The following AHCY variants were observed in gnomAD, a reference collection of about 807,000 sequenced individuals.
AHCY encodes S-adenosyl-L-homocysteine hydrolase.
Under a neutral mutation model 45.4 loss-of-function variants are expected in AHCY, and 24 were observed. That is an observed-to-expected ratio of 0.53 (90% CI 0.38 to 0.74). The LOEUF (loss-of-function observed/expected upper bound fraction) is 0.74. Ranked by LOEUF, AHCY falls within the 30% of genes least tolerant of loss-of-function variation. AHCY has a pLI of 0.00. For synonymous variants in AHCY, 245 were observed against 235.1 expected (o/e 1.04, Z -0.39); for missense variants, 449 against 594.1 (o/e 0.76, Z 2.54).
At chr20:34,245,239 C>T in the AHCY span, among the ~76,000 whole-genome samples, 1 of 147,522 alleles carries the variant, frequency 6.8e-6, no homozygotes, top group Admixed American at 6.9e-5. Context: ...GAGACTGAGG[C>T]AGGAGAATCG....
At chr20:34,265,548 T>G in the AHCY span, among the ~76,000 whole-genome samples, 1 of 151,964 alleles carries the variant, frequency 6.6e-6, no homozygotes, top group Non-Finnish European at 1.5e-5. Flanking sequence ...TTTTTGACTG[T>G]GTGTAAAGAG....
At chr20:34,261,756 C>CA in the AHCY span, among the ~76,000 whole-genome samples, 5 of 151,696 alleles carry the variant, frequency 3.3e-5, no homozygotes, top group African/African-American at 4.8e-5. Context: ...GAGCTATGAT[C>CA]ACACCATTGC....
chr20:34,274,182 G>C, the AHCY span, among the ~76,000 whole-genome samples: 1 of 152,196 alleles, frequency 6.6e-6, no homozygotes, highest in African/African-American at 2.4e-5. Context: ...GTGGTCTGCA[G>C]TTATCATAGT....
intron 1 of AHCY, chr20:34,302,525 T>TC (rs983844562): frequency 2.4e-6 from 2 of 819,552 alleles, no homozygotes; most frequent in Non-Finnish European, 2.9e-6. Context: ...GAGAACAGTT[T>TC]CCCTATAGAG....
chr20:34,258,978 G>C, the AHCY span, among the ~76,000 whole-genome samples: 1 of 145,814 alleles, frequency 6.9e-6, no homozygotes, highest in Non-Finnish European at 1.5e-5. Context: ...TTAGGTGGGA[G>C]GATCACTTGA....
chr20:34,248,651 T>C, the AHCY span, among the ~76,000 whole-genome samples: 2 of 151,676 alleles, frequency 1.3e-5, no homozygotes, highest in African/African-American at 4.8e-5. Flanking sequence ...AAAAAAATAA[T>C]TGGCCTGGTG....
chr20:34,276,474 C>G (rs1174084127), downstream of AHCY, among the ~76,000 whole-genome samples: 1 of 152,132 alleles, frequency 6.6e-6, no homozygotes, highest in Non-Finnish European at 1.5e-5. Context: ...CTATTTCTCT[C>G]CCTGGTAATA....
downstream of AHCY, among the ~76,000 whole-genome samples, chr20:34,279,614 G>T (rs149960148): frequency 6.6e-6 from 1 of 152,040 alleles, no homozygotes; most frequent in Non-Finnish European, 1.5e-5. Context: ...ACATACACAC[G>T]TAACTTATGC....
chr20:34,246,378 A>G, the AHCY span: 2 of 1,437,476 alleles, frequency 1.4e-6, no homozygotes, highest in South Asian at 1.2e-5. Flanking sequence ...TTCTCTAACC[A>G]TTGTTTACAA....
intron 8 of AHCY, among the ~76,000 whole-genome samples, chr20:34,287,201 T>A (rs963197786): frequency 2.0e-5 from 3 of 152,060 alleles, no homozygotes; most frequent in Non-Finnish European, 4.4e-5. Flanking sequence ...CAATAAGCAC[T>A]CACTGATACC....
intron 9 of AHCY, among the ~76,000 whole-genome samples, chr20:34,284,150 C>A (rs1422259229): frequency 2.0e-5 from 3 of 152,024 alleles, no homozygotes; most frequent in African/African-American, 7.2e-5. Flanking sequence ...TAGTGAGATG[C>A]CATGCTTAGG....
chr20:34,300,555 AAGCACC>A (rs2036734229), intron 1 of AHCY, among the ~76,000 whole-genome samples: 2 of 126,450 alleles, frequency 1.6e-5, no homozygotes, highest in African/African-American at 1.1e-4. Context: ...GGCTCCTCTC[AAGCACC>A]TAATACAGTA....
the AHCY span, chr20:34,246,218 T>G: frequency 6.7e-7 from 1 of 1,484,174 alleles, no homozygotes; most frequent in Non-Finnish European, 9.1e-7. Context: ...TGGTATGGTC[T>G]TCTTTTTTTG....
chr20:34,235,801 GA>G, the AHCY span, among the ~76,000 whole-genome samples: 1 of 52,470 alleles, frequency 1.9e-5, no homozygotes, highest in Non-Finnish European at 3.0e-5. Flanking sequence ...AAGAAAGAAA[GA>G]AAGAAAGAAA....
downstream of AHCY, among the ~76,000 whole-genome samples, chr20:34,279,147 G>A (rs2035940224): frequency 6.8e-6 from 1 of 147,652 alleles, no homozygotes; most frequent in African/African-American, 2.5e-5. Flanking sequence ...AGGCACGGTG[G>A]CTCACGCTTC....
At chr20:34,308,656 T>A (rs78206215) in intron 1 of AHCY, among the ~76,000 whole-genome samples, 2 of 140,852 alleles carry the variant, frequency 1.4e-5, no homozygotes, top group Non-Finnish European at 3.1e-5. Context: ...AATTTGGCAA[T>A]TTTTTTTTTT....
upstream of AHCY, among the ~76,000 whole-genome samples, chr20:34,306,660 C>T (rs1020211256): frequency 4.6e-5 from 7 of 152,178 alleles, no homozygotes; most frequent in African/African-American, 1.7e-4. Flanking sequence ...TAAGCCACCA[C>T]GCCCAGCCAG....
the AHCY span, among the ~76,000 whole-genome samples, chr20:34,238,906 G>A: frequency 6.6e-6 from 1 of 152,106 alleles, no homozygotes; most frequent in Non-Finnish European, 1.5e-5. Flanking sequence ...CCTTCACCTA[G>A]AAGTTGCAAG....
At chr20:34,251,414 G>A in the AHCY span, among the ~76,000 whole-genome samples, 60 of 152,100 alleles carry the variant, frequency 3.9e-4, no homozygotes, top group Non-Finnish European at 1.0e-4. Context: ...GGGACTACAG[G>A]TGCCCGCCAC....
Sources: gnomAD v4.1 joint callset for allele counts (sites outside exome capture counted in the v4.1 genomes callset) on GRCh38, gnomAD v4.1.1 for gene constraint, MANE v1.5 for transcripts, NCBI Gene and HGNC (gene_info 2026-07-23, HGNC 2026-07-21) for gene names.